Variants in NTNG1 observed in about 807,000 individuals in gnomAD.
NTNG1 encodes netrin-G1.
In NTNG1, 16 loss-of-function variants were observed where a neutral mutation model predicts 54.0. The observed-to-expected ratio is 0.30, with a 90% CI of 0.20 to 0.45. The LOEUF (loss-of-function observed/expected upper bound fraction) is 0.45, where lower values mean the gene tolerates loss of function less well. Among genes scored for constraint, NTNG1 ranks in the 20% least tolerant of loss-of-function variants. The probability of loss-of-function intolerance (pLI) is 1.00; values close to 1 mark genes in which losing one functional copy is unlikely to be tolerated. For synonymous variants in NTNG1, 255 were observed against 263.1 expected (o/e 0.97, Z 0.30); for missense variants, 530 against 678.7 (o/e 0.78, Z 2.43).
chr1:107,158,510 G>A (rs562684667), intron 2 of NTNG1, among the ~76,000 whole-genome samples: 12 of 152,114 alleles, frequency 7.9e-5, no homozygotes, highest in Non-Finnish European at 1.5e-4. Flanking sequence ...TAGCCCTTTT[G>A]TTTCAGAGAG....
At chr1:107,434,049 A>G (rs139845035) in intron 6 of NTNG1, among the ~76,000 whole-genome samples, 6 of 152,370 alleles carry the variant, frequency 3.9e-5, no homozygotes, top group African/African-American at 1.4e-4. Flanking sequence ...TACCCCATTC[A>G]CTTTCACAGA....
intron 2 of NTNG1, among the ~76,000 whole-genome samples, chr1:107,158,183 T>A (rs1371547852): frequency 6.6e-6 from 1 of 152,222 alleles, no homozygotes; most frequent in African/African-American, 2.4e-5. Context: ...GCTCTGGTTT[T>A]AATTCACCAG....
At chr1:107,379,003 T>A (rs1671479571) in intron 3 of NTNG1, among the ~76,000 whole-genome samples, 1 of 152,242 alleles carries the variant, frequency 6.6e-6, no homozygotes, top group Non-Finnish European at 1.5e-5. Flanking sequence ...ATTTTCATGC[T>A]TGAAATACAT....
intron 1 of NTNG1, among the ~76,000 whole-genome samples, chr1:107,147,138 T>C (rs1654181651): frequency 6.6e-6 from 1 of 152,112 alleles, no homozygotes; most frequent in African/African-American, 2.4e-5. Context: ...ACCAATGACT[T>C]GTAGCCATAG....
At chr1:107,243,714 G>A (rs1260019153) in intron 2 of NTNG1, among the ~76,000 whole-genome samples, 2 of 152,032 alleles carry the variant, frequency 1.3e-5, no homozygotes, top group African/African-American at 2.4e-5. Context: ...CACCACAGCT[G>A]GCTTCTTATG....
chr1:107,191,916 A>G lies in NTNG1; in HGVS notation c.246+43077A>G, dbSNP rs192202904. ...GGATTGACTTGGCGATGCGGGCTCT[A>G]TTTTGGTTCCATATGAACTTTAAAG... On this transcript the variant is annotated intron_variant, in intron 2 of 7. Transcript: ENST00000370068. Among the ~76,000 whole-genome samples, 64 of 152,004 alleles carry G rather than the reference A, an allele frequency of 4.2e-4. No individual in the cohort carries two copies. The East Asian group carries it at 0.011, about 27-fold the overall frequency.
intron 3 of NTNG1, among the ~76,000 whole-genome samples, chr1:107,356,473 T>C (rs1399979836): frequency 6.6e-6 from 1 of 151,946 alleles, no homozygotes; most frequent in Non-Finnish European, 1.5e-5. Flanking sequence ...TTTGTATTCT[T>C]AGTAGAGACA....
At chr1:107,174,098 C>T (rs1441228362) in intron 2 of NTNG1, among the ~76,000 whole-genome samples, 2 of 152,092 alleles carry the variant, frequency 1.3e-5, no homozygotes, top group African/African-American at 2.4e-5. Context: ...TCACCTTAAT[C>T]GAATCACTAA....
intron 7 of NTNG1, among the ~76,000 whole-genome samples, chr1:107,474,072 T>A (rs1028970846): frequency 2.0e-5 from 3 of 152,188 alleles, no homozygotes; most frequent in African/African-American, 4.8e-5. Context: ...AAAGCAGTAT[T>A]AGTTTTTCTG....
At chr1:107,202,889 A>C (rs4914941) in intron 2 of NTNG1, among the ~76,000 whole-genome samples, 138,576 of 151,892 alleles carry the variant, frequency 0.91, 64,550 homozygotes, top group East Asian at 1. Context: ...TAAATGTAAT[A>C]ATAGAGTATG....
intron 2 of NTNG1, among the ~76,000 whole-genome samples, chr1:107,289,671 G>A (rs552009296): frequency 6.6e-6 from 1 of 152,044 alleles, no homozygotes; most frequent in Non-Finnish European, 1.5e-5. Context: ...TTTCCTAAGA[G>A]ACTGTAAATT....
At chr1:107,401,250 G>A (rs1673015168) in intron 4 of NTNG1, among the ~76,000 whole-genome samples, 1 of 152,106 alleles carries the variant, frequency 6.6e-6, no homozygotes, top group Non-Finnish European at 1.5e-5. Context: ...TGGGTGGCTT[G>A]ACTACCAGCC....
chr1:107,367,801 T>C (rs78595945), intron 3 of NTNG1, among the ~76,000 whole-genome samples: 16,023 of 152,076 alleles, frequency 0.11, 1,033 homozygotes, highest in East Asian at 0.23. Context: ...CTCACTCTGT[T>C]GCCAGGCTGG....
At chr1:107,321,251 G>GT (rs1667646168) in intron 2 of NTNG1, among the ~76,000 whole-genome samples, 2 of 152,122 alleles carry the variant, frequency 1.3e-5, no homozygotes, top group South Asian at 4.1e-4. Flanking sequence ...GTTTATTGCT[G>GT]TATCTTGAGA....
At chr1:107,221,696 C>T (rs567019659) in intron 2 of NTNG1, among the ~76,000 whole-genome samples, 1 of 152,158 alleles carries the variant, frequency 6.6e-6, no homozygotes, top group Admixed American at 6.5e-5. Flanking sequence ...AGTACTTGGG[C>T]CGTGGCTGGC....
At chr1:107,405,798 A>T (rs1237530681) in intron 4 of NTNG1, among the ~76,000 whole-genome samples, 1 of 152,132 alleles carries the variant, frequency 6.6e-6, no homozygotes, top group Non-Finnish European at 1.5e-5. Context: ...TCATGGAAAA[A>T]TTTGGAACTT....
intron 2 of NTNG1, among the ~76,000 whole-genome samples, chr1:107,218,476 C>T (rs1660117010): frequency 6.6e-6 from 1 of 152,086 alleles, no homozygotes; most frequent in South Asian, 2.1e-4. Context: ...ATGTGAGGTA[C>T]TATTCTATTC....
chr1:107,460,506 A>G, intron 7 of NTNG1: 1 of 476,708 alleles, frequency 2.1e-6, no homozygotes, highest in Non-Finnish European at 4.2e-6. Context: ...TCTATGGCCC[A>G]TGGTTTAATA....
intron 3 of NTNG1, among the ~76,000 whole-genome samples, chr1:107,339,496 G>A (rs1668781088): frequency 6.6e-6 from 1 of 151,914 alleles, no homozygotes. Context: ...AAAAGGAAAG[G>A]GTTTCATTTG....
Sources: gnomAD v4.1 joint callset for allele counts (sites outside exome capture counted in the v4.1 genomes callset) on GRCh38, gnomAD v4.1.1 for gene constraint, MANE v1.5 for transcripts, NCBI Gene and HGNC (gene_info 2026-07-23, HGNC 2026-07-21) for gene names.